DCC: variants seen among roughly 807,000 people sequenced by gnomAD.
The protein encoded by DCC is netrin receptor DCC.
DCC carries 58 observed loss-of-function variants against 172.5 expected under a neutral mutation model. That is an observed-to-expected ratio of 0.34 (90% CI 0.27 to 0.42). The LOEUF is 0.42. Among genes scored for constraint, DCC ranks in the 10% least tolerant of loss-of-function variants. The pLI is 1.00. For synonymous variants in DCC, 709 were observed against 644.5 expected (o/e 1.10, Z -1.52); for missense variants, 1,740 against 1,791.0 (o/e 0.97, Z 0.51).
At chr18:52,821,946 T>C (rs2038414666) in intron 2 of DCC, among the ~76,000 whole-genome samples, 1 of 152,326 alleles carries the variant, frequency 6.6e-6, no homozygotes, top group South Asian at 2.1e-4. Flanking sequence ...AATTTATCAA[T>C]AAGACAAATA....
intron 1 of DCC, among the ~76,000 whole-genome samples, chr18:52,483,163 C>A (rs529645017): frequency 6.6e-6 from 1 of 152,090 alleles, no homozygotes; most frequent in South Asian, 2.1e-4. Context: ...CTGCCTTCCT[C>A]TAATAAGGAT....
intron 2 of DCC, among the ~76,000 whole-genome samples, chr18:52,878,120 T>C (rs1264599486): frequency 6.6e-6 from 1 of 152,060 alleles, no homozygotes; most frequent in Non-Finnish European, 1.5e-5. Flanking sequence ...CTAACGTTCC[T>C]CTCTCATCTG....
chr18:52,515,332 G>T (rs1454004893), intron 1 of DCC, among the ~76,000 whole-genome samples: 4 of 151,968 alleles, frequency 2.6e-5, no homozygotes, highest in South Asian at 2.1e-4. Flanking sequence ...AGACGGCTGG[G>T]TGTGGTGGCT....
At chr18:52,523,564 C>T (rs542543136) in intron 1 of DCC, among the ~76,000 whole-genome samples, 2 of 152,094 alleles carry the variant, frequency 1.3e-5, no homozygotes, top group East Asian at 3.9e-4. Context: ...TATAACAATC[C>T]CACAAAATGC....
intron 5 of DCC, among the ~76,000 whole-genome samples, chr18:53,057,834 AAAAC>A (rs1178030823): frequency 3.9e-5 from 6 of 152,130 alleles, no homozygotes; most frequent in African/African-American, 1.4e-4. Flanking sequence ...AGGGATTTAA[AAAAC>A]AAACAAACAT....
At chr18:53,138,454 G>A (rs2043780237) in intron 7 of DCC, among the ~76,000 whole-genome samples, 1 of 152,122 alleles carries the variant, frequency 6.6e-6, no homozygotes, top group African/African-American at 2.4e-5. Context: ...CATAATATTA[G>A]TTACAGATGT....
At chr18:52,539,727 A>G (rs2032385909) in intron 1 of DCC, among the ~76,000 whole-genome samples, 1 of 152,204 alleles carries the variant, frequency 6.6e-6, no homozygotes, top group Non-Finnish European at 1.5e-5. Flanking sequence ...GTTAATAACA[A>G]TGTATTCTGG....
At position 53,321,585 on chromosome 18, in the gene DCC, C is replaced by T. The variant is rs1372397576; in HGVS notation, c.2054-462C>T. ...AAAGATGGTTTTAAGAGACAAAAGC[C>T]CTAATATTTTCTTCTGAAGTGCATT... On this transcript the variant is annotated intron_variant, in intron 13 of 28. Coordinates refer to ENST00000442544, the MANE Select transcript of DCC (RefSeq NM_005215.4). Among the ~76,000 whole-genome samples, 3 of 151,882 alleles carry T rather than the reference C, an allele frequency of 2.0e-5. No homozygotes were observed. In the South Asian group the frequency reaches 6.2e-4, roughly 32 times the overall value.
chr18:53,234,286 G>A (rs996252673), intron 12 of DCC, among the ~76,000 whole-genome samples: 10 of 151,770 alleles, frequency 6.6e-5, no homozygotes, highest in Admixed American at 2.0e-4. Context: ...AAAATTAGCC[G>A]GGCGTGGTGT....
chr18:53,062,440 G>A (rs996899512), intron 5 of DCC, among the ~76,000 whole-genome samples: 38 of 151,988 alleles, frequency 2.5e-4, no homozygotes, highest in African/African-American at 7.5e-4. Context: ...AACAGATCAC[G>A]GCTGCTACTT....
intron 2 of DCC, among the ~76,000 whole-genome samples, chr18:52,815,674 A>G (rs961753818): frequency 3.9e-5 from 6 of 152,234 alleles, no homozygotes; most frequent in Non-Finnish European, 4.4e-5. Flanking sequence ...TTTCATGTTT[A>G]CAAAACAAAA....
intron 2 of DCC, among the ~76,000 whole-genome samples, chr18:52,802,312 T>A (rs2038004799): frequency 6.6e-6 from 1 of 152,050 alleles, no homozygotes; most frequent in South Asian, 2.1e-4. Context: ...GGAGGAGAGT[T>A]TTGGAATCAA....
chr18:52,491,561 G>A (rs1400876505), intron 1 of DCC, among the ~76,000 whole-genome samples: 3 of 152,106 alleles, frequency 2.0e-5, no homozygotes, highest in Non-Finnish European at 4.4e-5. Context: ...CCCAGAGAAT[G>A]CATTATCATG....
intron 1 of DCC, among the ~76,000 whole-genome samples, chr18:52,739,442 G>A (rs997306602): frequency 1.3e-5 from 2 of 152,116 alleles, no homozygotes; most frequent in African/African-American, 2.4e-5. Flanking sequence ...TATGATTCAT[G>A]TTTGCTCCCT....
At chr18:53,379,558 C>T (rs771979623) in intron 15 of DCC, among the ~76,000 whole-genome samples, 2 of 152,176 alleles carry the variant, frequency 1.3e-5, no homozygotes, top group South Asian at 2.1e-4. Context: ...TCAAAAAAAG[C>T]TCTTAGAATA....
intron 7 of DCC, among the ~76,000 whole-genome samples, chr18:53,127,259 A>G (rs2043575100): frequency 6.6e-6 from 1 of 150,438 alleles, no homozygotes; most frequent in Non-Finnish European, 1.5e-5. Context: ...CTCCCGCCTG[A>G]GCCTCCCAAA....
chr18:52,543,074 G>A (rs1195864633), intron 1 of DCC, among the ~76,000 whole-genome samples: 2 of 152,200 alleles, frequency 1.3e-5, no homozygotes, highest in Non-Finnish European at 2.9e-5. Flanking sequence ...TCAGGAGAGA[G>A]CCTGGGCTCC....
intron 26 of DCC, among the ~76,000 whole-genome samples, chr18:53,491,991 A>T (rs2045964335): frequency 6.6e-6 from 1 of 152,154 alleles, no homozygotes; most frequent in Admixed American, 6.5e-5. Flanking sequence ...CTGACTTTTT[A>T]ATGATAGCTA....
chr18:52,746,223 A>G (rs377666820), intron 1 of DCC, among the ~76,000 whole-genome samples: 26 of 152,352 alleles, frequency 1.7e-4, no homozygotes, highest in African/African-American at 6.3e-4. Context: ...AAAAGATGAT[A>G]GTGGCATGGT....
Sources: allele counts gnomAD v4.1 joint callset (sites outside exome capture counted in the v4.1 genomes callset), GRCh38; gene constraint gnomAD v4.1.1; transcripts MANE v1.5; gene names NCBI Gene and HGNC (gene_info 2026-07-23, HGNC 2026-07-21).